Variants in CLSTN3 observed in about 807,000 individuals in gnomAD.
CLSTN3 encodes the protein calsyntenin 3.
In CLSTN3, 36 loss-of-function variants were observed where a neutral mutation model predicts 95.9. The ratio of observed to expected loss-of-function variants is 0.38; its 90% CI spans 0.29 to 0.50. The LOEUF (loss-of-function observed/expected upper bound fraction) is 0.50, where lower values mean the gene tolerates loss of function less well. Among genes scored for constraint, CLSTN3 ranks in the 20% least tolerant of loss-of-function variants. The pLI, the probability that CLSTN3 is intolerant of heterozygous loss-of-function variation, is 0.95. For synonymous variants in CLSTN3, 481 were observed against 504.0 expected, an observed-to-expected ratio of 0.95 and a Z score of 0.61; for missense variants, 1,084 against 1,268.8, an observed-to-expected ratio of 0.85 and a Z score of 2.21.
At position 7,133,430 on chromosome 12, in the gene CLSTN3, G is replaced by A. The variant is rs1355462948; in HGVS notation, c.188-143G>A. On this transcript the variant is annotated intron_variant, in intron 2 of 17. Coordinates refer to ENST00000266546, the MANE Select transcript of CLSTN3 (RefSeq NM_014718.4). The surrounding 1 kb of genome is among the most constrained non-coding windows in gnomAD (Gnocchi z 4.7). ...TCAGGGAAGCTGGGCTTAGAGTTGCGTGTTTGATCATTAATGCTTTTGTGC... is the reference window on the plus strand; with the variant it reads ...TCAGGGAAGCTGGGCTTAGAGTTGCATGTTTGATCATTAATGCTTTTGTGC... The A allele has an allele frequency of 8.3e-6, 7 of 846,890 alleles. No homozygotes were observed. Among genetic ancestry groups the A allele is most frequent in the Middle Eastern group, 3.5e-4 (1 of 2,844 alleles). The allele number at this position is 846,890 out of a possible 1,614,324, so 52.5% of individuals were successfully genotyped here. A position where few individuals can be genotyped will look rare whatever the true frequency, so the allele number is the denominator to read the frequency against.
intron 10 of CLSTN3, 62 bp downstream of exon 10, chr12:7,142,201 C>A (rs1939538776): frequency 7.2e-7 from 1 of 1,387,046 alleles, no homozygotes; most frequent in Non-Finnish European, 1.0e-6. Context: ...GTTCTGAGAT[C>A]CCTTTTCCAC....
chr12:7,138,706 G>A (rs1939473913), intron 8 of CLSTN3: 1 of 152,002 alleles, frequency 6.6e-6, no homozygotes, highest in Non-Finnish European at 1.5e-5. Flanking sequence ...TGAGCCAACA[G>A]TTGCAGCCTC....
At chr12:7,136,487 TC>T in intron 6 of CLSTN3, 96 bp downstream of exon 6, 1 of 1,104,998 alleles carries the variant, frequency 9.0e-7, no homozygotes. Context: ...CCACTGGCCA[TC>T]CACAGGTGTT....
chr12:7,132,261 A>G, intron 1 of CLSTN3: 1 of 243,910 alleles, frequency 4.1e-6, no homozygotes, highest in Non-Finnish European at 8.3e-6. Context: ...GAGGACATAG[A>G]AATGTGTCGG....
At chr12:7,143,627 AGACCT>A (rs1474680240) in intron 12 of CLSTN3, among the ~76,000 whole-genome samples, 1 of 152,144 alleles carries the variant, frequency 6.6e-6, no homozygotes, top group East Asian at 1.9e-4. Context: ...GGGAGTGGGG[AGACCT>A]GACATTAATT....
intron 12 of CLSTN3, among the ~76,000 whole-genome samples, chr12:7,147,727 C>G (rs1271359495): frequency 6.6e-6 from 1 of 151,904 alleles, no homozygotes; most frequent in Non-Finnish European, 1.5e-5. Context: ...GTTGCCCAGG[C>G]TGATCTCGAA....
intron 16 of CLSTN3, chr12:7,156,782 G>T (rs752597380): frequency 3.0e-4 from 136 of 456,372 alleles, no homozygotes; most frequent in African/African-American, 2.6e-3. Context: ...GGGCATCAAA[G>T]TGGGGCTGCA....
rs563103455 is a variant in CLSTN3 at position 7,146,999 on chromosome 12, G to A, written c.1848-1973G>A. Among the ~76,000 whole-genome samples, 4 of 152,276 alleles carry A rather than the reference G, an allele frequency of 2.6e-5. No homozygotes were observed. The East Asian group carries it at 7.7e-4, about 29-fold the overall frequency. ...GGGCTCTGAGCTCATCATGCCTACTGAGATGATGCCTTCTCCCTTTTTACT... is the reference window on the plus strand; with the variant it reads ...GGGCTCTGAGCTCATCATGCCTACTAAGATGATGCCTTCTCCCTTTTTACT... On this transcript the variant is annotated intron_variant, in intron 12 of 17. Coordinates refer to ENST00000266546, the MANE Select transcript of CLSTN3 (RefSeq NM_014718.4).
chr12:7,158,189 G>A lies in CLSTN3; in HGVS notation c.*108G>A. The A allele has an allele frequency of 1.5e-6, 2 of 1,331,786 alleles. No individual in the cohort carries two copies. Among genetic ancestry groups the A allele is most frequent in the South Asian group, 1.6e-5 (1 of 61,872 alleles). The allele number at this position is 1,331,786 out of a possible 1,614,324, so 82.5% of individuals were successfully genotyped here. ...AACACAGAGACCAAGAGGGAGAGAGGCTTCAGAACCAGTCCTCCTTTCATT... is the reference window on the plus strand; with the variant it reads ...AACACAGAGACCAAGAGGGAGAGAGACTTCAGAACCAGTCCTCCTTTCATT... On this transcript the variant is annotated 3_prime_UTR_variant, in exon 18 of 18. Coordinates refer to ENST00000266546, the MANE Select transcript of CLSTN3 (RefSeq NM_014718.4).
rs755070640 is a variant in CLSTN3, at chr12:7,148,204, G to GA, written c.1848-765dup. ...AGAAAGAAAGAAAGAAAGAAAGAAA[G>GA]AAAGAAAGAAATGTGGGAAAATGCT... On this transcript the variant is annotated intron_variant, in intron 12 of 17. Coordinates refer to ENST00000266546, the MANE Select transcript of CLSTN3 (RefSeq NM_014718.4). Among the ~76,000 whole-genome samples the GA allele has an allele frequency of 3.0e-4, 40 of 134,142 alleles. 1 individual carries two copies. The highest frequency in any genetic ancestry group is 3.8e-3 in the Middle Eastern group (1 of 262). 88.0% of individuals were successfully genotyped at this position (134,142 alleles called of 152,430 possible).
intron 8 of CLSTN3, among the ~76,000 whole-genome samples, chr12:7,140,811 G>T (rs1414215161): frequency 2.6e-5 from 4 of 152,188 alleles, no homozygotes; most frequent in Non-Finnish European, 4.4e-5. Flanking sequence ...AGAGGCTGAA[G>T]TGGGAGGATT....
chr12:7,144,540 A>C (rs982259920), intron 12 of CLSTN3, among the ~76,000 whole-genome samples: 2 of 152,204 alleles, frequency 1.3e-5, no homozygotes, highest in African/African-American at 4.8e-5. Context: ...TGCCGCTTAA[A>C]TGCTGGCTAT....
At chr12:7,132,934 G>A (rs775700485) in intron 1 of CLSTN3, 90 bp from the exon 2 acceptor site, 2 of 1,568,256 alleles carry the variant, frequency 1.3e-6, no homozygotes, top group Non-Finnish European at 1.7e-6. Flanking sequence ...ATGGTGCTGG[G>A]GTGTGAGTTG....
chr12:7,136,871 C>T lies in CLSTN3; in HGVS notation c.971C>T (p.Pro324Leu), dbSNP rs777008868. 1.4e-5 allele frequency: 23 copies of T among 1,614,124 alleles called. No individual in the cohort carries two copies. The East Asian group carries it at 4.9e-4, about 34-fold the overall frequency. Residue 324 changes from proline to leucine, a missense_variant, in exon 7 of 18, where the codon CCC becomes CTC. Physicochemically the swap from Pro to Leu is moderately conservative, Grantham distance 98. Coordinates refer to ENST00000266546, the MANE Select transcript of CLSTN3 (RefSeq NM_014718.4). ...GTGGATCTGTTGCCCATGCCTGGCC[C>T]CAATGCCAACTGGACAGCAGGACTC... ...GEVDLLPMPG[P>L]NANWTAGLSV...
intron 1 of CLSTN3, chr12:7,131,745 G>A (rs1342141790): frequency 1.0e-5 from 4 of 401,252 alleles, no homozygotes; most frequent in Non-Finnish European, 1.9e-5. Context: ...CCTCAGCCTC[G>A]CCTCCTAGCC....
intron 1 of CLSTN3, 51 bp downstream of exon 1, chr12:7,130,763 G>T: frequency 6.7e-7 from 1 of 1,486,328 alleles, no homozygotes; most frequent in East Asian, 2.5e-5. Flanking sequence ...GGGCAGCGCC[G>T]TGCGGGGTGG....
At chr12:7,131,381 C>G in intron 1 of CLSTN3, 1 of 213,164 alleles carries the variant, frequency 4.7e-6, no homozygotes, top group Non-Finnish European at 9.6e-6. Context: ...TGGAGACTGG[C>G]AGGAAAGGGC....
chr12:7,136,122 A>T, intron 5 of CLSTN3, 84 bp from the exon 6 acceptor site: 1 of 1,540,262 alleles, frequency 6.5e-7, no homozygotes, highest in Non-Finnish European at 8.8e-7. Context: ...CAAACTGTCC[A>T]TGGACATGGC....
rs201731889 is a variant in CLSTN3 at position 7,133,591 on chromosome 12, G to A, written c.206G>A (p.Arg69Gln). 9.9e-6 allele frequency: 16 copies of A among 1,613,918 alleles called. No individual in the cohort carries two copies. Among genetic ancestry groups the A allele is most frequent in the East Asian group, 2.2e-5 (1 of 44,880 alleles). ...TTGCCAGGTGAGATCTGCGGCTTCC[G>A]GCTCCATGGGTCTGGGGTGCCCTTT... ...LRYAGEICGF[R>Q]LHGSGVPFEA... The change falls in exon 3 of 18, where the codon CGG (arginine) becomes CAG (glutamine). Residue 69 changes from arginine (R) to glutamine (Q), a missense_variant. Transcript: ENST00000266546. This position sits in a 1 kb window ranked among gnomAD's most constrained non-coding sequence, Gnocchi z 4.7.
Sources: gnomAD v4.1 joint callset for allele counts (sites outside exome capture counted in the v4.1 genomes callset) on GRCh38, gnomAD v4.1.1 for gene constraint, Gnocchi (gnomAD v3.1) non-coding constraint, MANE v1.5 for transcripts, NCBI Gene and HGNC (gene_info 2026-07-23, HGNC 2026-07-21) for gene names.